DNAJC3: variants seen among roughly 807,000 people sequenced by gnomAD.
DNAJC3 encodes the protein DnaJ heat shock protein family (Hsp40) member C3.
DNAJC3 carries 38 observed loss-of-function variants against 68.6 expected under a neutral mutation model. The observed-to-expected ratio is 0.55, with a 90% CI of 0.43 to 0.73. The LOEUF is 0.73. DNAJC3 is among the 30% of genes least tolerant of loss of function. DNAJC3 has a pLI of 0.00. For missense variants in DNAJC3, 526 were observed against 591.9 expected (o/e 0.89, Z 1.16); for synonymous variants, 203 against 204.0 (o/e 1.00, Z 0.04).
intron 1 of DNAJC3, 41 bp downstream of exon 1, chr13:95,677,378 A>G (rs1879785737): frequency 1.3e-6 from 2 of 1,544,084 alleles, no homozygotes; most frequent in African/African-American, 1.4e-5. Flanking sequence ...GGGCTCCCGG[A>G]CCAGGCCCCC....
chr13:95,738,145 C>T, intron 4 of DNAJC3, among the ~76,000 whole-genome samples: 1 of 148,808 alleles, frequency 6.7e-6, no homozygotes, highest in Non-Finnish European at 1.5e-5. Flanking sequence ...GAGTGAGATT[C>T]TTAATCCTGA....
intron 9 of DNAJC3, among the ~76,000 whole-genome samples, chr13:95,765,728 C>T (rs17883935): frequency 0.015 from 2,276 of 152,056 alleles, 60 homozygotes; most frequent in African/African-American, 0.052. Context: ...TGCACCACCA[C>T]GCCTGGCTCA....
intron 1 of DNAJC3, among the ~76,000 whole-genome samples, chr13:95,681,069 T>C (rs1189831533): frequency 1.3e-5 from 2 of 152,206 alleles, no homozygotes; most frequent in Non-Finnish European, 2.9e-5. Context: ...GGCTTTTGCT[T>C]TTGAGTTTAC....
At chr13:95,702,352 A>G (rs1880607644) in intron 1 of DNAJC3, among the ~76,000 whole-genome samples, 1 of 152,222 alleles carries the variant, frequency 6.6e-6, no homozygotes, top group Non-Finnish European at 1.5e-5. Context: ...ACCATAAAGG[A>G]GAAATGCGTT....
At chr13:95,749,495 AG>A in intron 4 of DNAJC3, among the ~76,000 whole-genome samples, 1 of 152,220 alleles carries the variant, frequency 6.6e-6, no homozygotes, top group South Asian at 2.1e-4. Context: ...TCAGGAAAAG[AG>A]GGAACTACTG....
At position 95,711,492 on chromosome 13, in the gene DNAJC3, C is replaced by T. The variant is rs540591042; in HGVS notation, c.193+2155C>T. ...TAGCCTGGGTGGCAGAGTGAGACTC[C>T]ATCTCAAAATTAAAAAAACAGAAAA... On this transcript the variant is annotated intron_variant, in intron 2 of 11. Coordinates refer to ENST00000602402, the MANE Select transcript of DNAJC3 (RefSeq NM_006260.5). Among the ~76,000 whole-genome samples the T allele has an allele frequency of 3.4e-5, 5 of 147,262 alleles. No individual in the cohort carries two copies. In the South Asian group the frequency reaches 1.1e-3, roughly 31 times the overall value.
intron 4 of DNAJC3, among the ~76,000 whole-genome samples, chr13:95,737,391 G>C (rs935152325): frequency 6.6e-6 from 1 of 151,896 alleles, no homozygotes; most frequent in African/African-American, 2.4e-5. Context: ...GTTTCAGAAG[G>C]AATGGTACCA....
At chr13:95,758,147 G>T (rs1177754956) in intron 5 of DNAJC3, among the ~76,000 whole-genome samples, 1 of 152,122 alleles carries the variant, frequency 6.6e-6, no homozygotes, top group African/African-American at 2.4e-5. Context: ...ATGTTCGGGA[G>T]GAAAGAGGAA....
At chr13:95,733,346 A>G (rs533424457) in intron 4 of DNAJC3, among the ~76,000 whole-genome samples, 1 of 152,192 alleles carries the variant, frequency 6.6e-6, no homozygotes, top group Admixed American at 6.5e-5. Context: ...TAGAATTGTT[A>G]TATCCTCTTG....
intron 9 of DNAJC3, among the ~76,000 whole-genome samples, chr13:95,768,445 A>G (rs191078722): frequency 6.6e-6 from 1 of 152,312 alleles, no homozygotes. Flanking sequence ...TCCATTTGAC[A>G]CAGCTGTTAT....
chr13:95,779,396 T>A (rs182214611), intron 9 of DNAJC3, among the ~76,000 whole-genome samples: 3 of 152,180 alleles, frequency 2.0e-5, no homozygotes, highest in Non-Finnish European at 4.4e-5. Flanking sequence ...AGTGCTGGGA[T>A]TACAGGCATG....
In DNAJC3 at chr13:95,726,173, C is replaced by T. The variant is rs542884309; in HGVS notation, c.393+921C>T. ...TCTTTATAGCAGCATGATTTATAAT[C>T]CTTTGGGTATATACCCAGTAATGGG... is the stretch of plus-strand genomic sequence containing the variant. On this transcript the variant is annotated intron_variant, in intron 4 of 11. Coordinates refer to ENST00000602402, the MANE Select transcript of DNAJC3 (RefSeq NM_006260.5). Among the ~76,000 whole-genome samples, 539 of 152,148 alleles carry T rather than the reference C, an allele frequency of 3.5e-3. 4 individuals carry two copies. Among genetic ancestry groups the T allele is most frequent in the African/African-American group, 0.012 (513 of 41,488 alleles).
chr13:95,760,663 T>C lies in DNAJC3; in HGVS notation c.729-16T>C, dbSNP rs946076865. ...TTTTGACATGGAGTATTTTCCTTTTTTAAATACATGAACAGTGAAGTTCGG... is the reference window on the plus strand; with the variant it reads ...TTTTGACATGGAGTATTTTCCTTTTCTAAATACATGAACAGTGAAGTTCGG... On this transcript the variant is annotated splice_polypyrimidine_tract_variant and intron_variant, in intron 6 of 11. Transcript: ENST00000602402. 1 of 1,591,506 alleles carries C rather than the reference T, an allele frequency of 6.3e-7. No individual in the cohort carries two copies. Among genetic ancestry groups the C allele is most frequent in the African/African-American group, 1.4e-5 (1 of 73,822 alleles).
intron 2 of DNAJC3, among the ~76,000 whole-genome samples, chr13:95,717,147 A>G (rs1881176935): frequency 6.6e-6 from 1 of 152,196 alleles, no homozygotes; most frequent in African/African-American, 2.4e-5. Context: ...GGTCTTAGGT[A>G]TATCTGGCAC....
chr13:95,680,789 T>A (rs1054140933), intron 1 of DNAJC3, among the ~76,000 whole-genome samples: 2 of 152,222 alleles, frequency 1.3e-5, no homozygotes, highest in African/African-American at 4.8e-5. Context: ...ACTGCTGTGG[T>A]CTCTTTTGAT....
At chr13:95,714,718 A>G (rs1201916173) in intron 2 of DNAJC3, among the ~76,000 whole-genome samples, 1 of 152,224 alleles carries the variant, frequency 6.6e-6, no homozygotes, top group Non-Finnish European at 1.5e-5. Context: ...CAGCATGGCA[A>G]TTTAAATTCT....
At chr13:95,691,859 C>A (rs950348693) in intron 1 of DNAJC3, among the ~76,000 whole-genome samples, 7 of 152,362 alleles carry the variant, frequency 4.6e-5, no homozygotes, top group Non-Finnish European at 8.8e-5. Flanking sequence ...TGGAGACCAG[C>A]CCGGCCAACA....
intron 4 of DNAJC3, among the ~76,000 whole-genome samples, chr13:95,733,608 C>A (rs144838994): frequency 1.3e-5 from 2 of 151,882 alleles, no homozygotes; most frequent in East Asian, 3.9e-4. Flanking sequence ...CCATTTTGGC[C>A]AGGCTGGTCT....
chr13:95,736,650 T>C (rs1881932157), intron 4 of DNAJC3, among the ~76,000 whole-genome samples: 2 of 151,950 alleles, frequency 1.3e-5, no homozygotes, highest in Non-Finnish European at 2.9e-5. Context: ...AGAATGCTTT[T>C]GATTTTTGTA....
Sources: allele counts gnomAD v4.1 joint callset (sites outside exome capture counted in the v4.1 genomes callset), GRCh38; gene constraint gnomAD v4.1.1; transcripts MANE v1.5; gene names NCBI Gene and HGNC (gene_info 2026-07-23, HGNC 2026-07-21).